The following ST18 variants were observed in gnomAD, a reference collection of about 807,000 sequenced individuals.
ST18 encodes the protein suppression of tumorigenicity 18 protein.
ST18 carries 50 observed loss-of-function variants against 110.0 expected under a neutral mutation model. That is an observed-to-expected ratio of 0.45 (90% CI 0.36 to 0.58). ST18 has a LOEUF of 0.58. Among genes scored for constraint, ST18 ranks in the 20% least tolerant of loss-of-function variants. ST18 has a pLI of 0.00. For missense variants in ST18, 1,306 were observed against 1,280.1 expected, an observed-to-expected ratio of 1.02 and a Z score of -0.31; for synonymous variants, 461 against 452.4, an observed-to-expected ratio of 1.02 and a Z score of -0.24.
intron 2 of ST18, among the ~76,000 whole-genome samples, chr8:52,281,093 C>T (rs564594801): frequency 2.0e-5 from 3 of 152,092 alleles, no homozygotes; most frequent in African/African-American, 4.8e-5. Context: ...TCATAAAGCT[C>T]GTGGTAATTA....
At chr8:52,240,139 T>A (rs1194643188) in intron 2 of ST18, among the ~76,000 whole-genome samples, 4 of 152,150 alleles carry the variant, frequency 2.6e-5, no homozygotes, top group African/African-American at 9.7e-5. Context: ...TGTTTAAGAC[T>A]GTTTCAAATC....
chr8:52,230,229 A>G (rs554982562), intron 2 of ST18, among the ~76,000 whole-genome samples, 152 bp from the exon 3 acceptor site: 61 of 152,340 alleles, frequency 4.0e-4, no homozygotes, highest in Middle Eastern at 6.8e-3. Flanking sequence ...AAGTATTACC[A>G]ATCTTCAATA....
At chr8:52,258,062 A>AC (rs59196271) in intron 2 of ST18, among the ~76,000 whole-genome samples, 46,407 of 151,972 alleles carry the variant, frequency 0.31, 7,303 homozygotes, top group Middle Eastern at 0.45. Context: ...CTGCTTTGAC[A>AC]CCTTGTTGGA....
intron 23 of ST18, among the ~76,000 whole-genome samples, chr8:52,122,098 C>T (rs903749156): frequency 6.6e-6 from 1 of 152,192 alleles, no homozygotes; most frequent in Non-Finnish European, 1.5e-5. Context: ...CCTTCCTTGC[C>T]TCCCAAAGTG....
chr8:52,178,699 A>C (rs1235018925), intron 9 of ST18, among the ~76,000 whole-genome samples: 1 of 151,396 alleles, frequency 6.6e-6, no homozygotes, highest in Non-Finnish European at 1.5e-5. Flanking sequence ...AACAACAACA[A>C]CAAAACAAAT....
intron 2 of ST18, among the ~76,000 whole-genome samples, chr8:52,346,693 A>T (rs1817946325): frequency 6.6e-6 from 1 of 152,056 alleles, no homozygotes; most frequent in Admixed American, 6.5e-5. Context: ...GAAGGAAAAT[A>T]TTTTTTTTAA....
intron 2 of ST18, among the ~76,000 whole-genome samples, chr8:52,239,912 G>A (rs113295411): frequency 0.034 from 5,227 of 152,072 alleles, 284 homozygotes; most frequent in African/African-American, 0.12. Context: ...TCCCACCTCA[G>A]CCTCCTGAGT....
intron 2 of ST18, among the ~76,000 whole-genome samples, chr8:52,357,717 A>ATT: frequency 1.4e-5 from 1 of 73,248 alleles, no homozygotes; most frequent in African/African-American, 1.1e-4. Context: ...ATATATATAT[A>ATT]TATATATATA....
At chr8:52,343,467 T>C (rs933212905) in intron 2 of ST18, among the ~76,000 whole-genome samples, 4 of 152,050 alleles carry the variant, frequency 2.6e-5, no homozygotes, top group African/African-American at 9.7e-5. Context: ...GATTATAAAA[T>C]CTCCCCTAAG....
Position 52,141,760 on chromosome 8 carries a change from G to T in ST18, c.2168+1170C>A, listed in dbSNP as rs149776489. Among the ~76,000 whole-genome samples, 125 of 152,294 alleles carry T rather than the reference G, an allele frequency of 8.2e-4. No homozygotes were observed. In the East Asian group the frequency reaches 0.011, roughly 13 times the overall value. On this transcript the variant is annotated intron_variant, in intron 17 of 25. Coordinates refer to ENST00000689386, the MANE Select transcript of ST18 (RefSeq NM_001352837.2). ...TAAGGCCCTGCCTAATTCCTAGAGA[G>T]CTTAGGAGAAGCAAGAAGCCCAGAG...
intron 5 of ST18, among the ~76,000 whole-genome samples, chr8:52,218,931 C>T (rs115338337): frequency 9.0e-4 from 137 of 152,034 alleles, no homozygotes; most frequent in African/African-American, 2.7e-3. Flanking sequence ...CCATGAGGAA[C>T]GCTTTATCTA....
chr8:52,286,759 T>C (rs1419349879), intron 2 of ST18, among the ~76,000 whole-genome samples: 1 of 150,784 alleles, frequency 6.6e-6, no homozygotes, highest in African/African-American at 2.4e-5. Context: ...AAAGCAATGG[T>C]ATCTGGCTAC....
intron 8 of ST18, among the ~76,000 whole-genome samples, chr8:52,180,660 A>G (rs1177278518): frequency 6.6e-6 from 1 of 151,484 alleles, no homozygotes; most frequent in African/African-American, 2.4e-5. Flanking sequence ...AAAATATACC[A>G]CCAGATACAA....
At chr8:52,377,899 T>A (rs553364335) in intron 2 of ST18, among the ~76,000 whole-genome samples, 2 of 152,282 alleles carry the variant, frequency 1.3e-5, no homozygotes, top group Non-Finnish European at 2.9e-5. Flanking sequence ...ATATACACAA[T>A]GGAATATTAT....
In ST18 at chr8:52,129,307, A is replaced by T. The variant is rs532199172; in HGVS notation, c.2666+2651T>A. ...ATGGTGAAACCCCGTCTCTACCAAA[A>T]ATACAACAAATTAGCTGGGTATAGT... On this transcript the variant is annotated intron_variant, in intron 22 of 25. Transcript: ENST00000689386. Among the ~76,000 whole-genome samples the T allele has an allele frequency of 5.3e-5, 8 of 152,014 alleles. No homozygotes were observed. The East Asian group carries it at 1.6e-3, about 30-fold the overall frequency.
At chr8:52,226,976 T>G (rs1280181108) in intron 3 of ST18, among the ~76,000 whole-genome samples, 1 of 152,232 alleles carries the variant, frequency 6.6e-6, no homozygotes, top group Non-Finnish European at 1.5e-5. Context: ...TTGTTTTTCA[T>G]AAAATCTTCC....
chr8:52,204,236 T>C (rs1280285255), intron 8 of ST18, among the ~76,000 whole-genome samples: 1 of 152,176 alleles, frequency 6.6e-6, no homozygotes, highest in Non-Finnish European at 1.5e-5. Flanking sequence ...AATTCATAGA[T>C]CAAGAAAATA....
intron 2 of ST18, among the ~76,000 whole-genome samples, chr8:52,316,831 T>C (rs764903337): frequency 2.6e-5 from 4 of 152,192 alleles, no homozygotes; most frequent in Non-Finnish European, 5.9e-5. Context: ...TATTTTACTG[T>C]ATTAGCAAGG....
chr8:52,338,747 T>C (rs1322369924), intron 2 of ST18, among the ~76,000 whole-genome samples: 2 of 150,118 alleles, frequency 1.3e-5, no homozygotes, highest in African/African-American at 5.0e-5. Flanking sequence ...TTTCTCTTTC[T>C]TTTTTTTTAA....
Sources: gnomAD v4.1 joint callset for allele counts (sites outside exome capture counted in the v4.1 genomes callset) on GRCh38, gnomAD v4.1.1 for gene constraint, MANE v1.5 for transcripts, NCBI Gene and HGNC (gene_info 2026-07-23, HGNC 2026-07-21) for gene names.